RBFOX1: variants seen among roughly 807,000 people sequenced by gnomAD.
The protein encoded by RBFOX1 is RNA binding protein fox-1 homolog 1.
A neutral mutation model predicts 57.7 loss-of-function variants in RBFOX1; 8 were observed. The observed-to-expected ratio is 0.14, with a 90% confidence interval of 0.08 to 0.25. RBFOX1 has a LOEUF of 0.25. RBFOX1 is among the 10% of genes least tolerant of loss of function. The pLI is 1.00. For synonymous variants in RBFOX1, 326 were observed against 222.4 expected (o/e 1.47, Z -4.15); for missense variants, 611 against 548.5 (o/e 1.11, Z -1.14).
At chr16:7,097,329 G>A (rs954985594) in intron 4 of RBFOX1, among the ~76,000 whole-genome samples, 3 of 152,106 alleles carry the variant, frequency 2.0e-5, no homozygotes, top group African/African-American at 4.8e-5. Flanking sequence ...TGGTCAGAGA[G>A]AGAGAGAGTT....
In RBFOX1 at chr16:7,596,308, G is replaced by A. The variant is rs770156044; in HGVS notation, c.561+667G>A. ...AAATACCAAAATACTGACATTCAGA[G>A]TCTGCTATTTGTCCCACTGGGATCT... On this transcript the variant is annotated intron_variant, in intron 8 of 15. Coordinates refer to ENST00000550418, the MANE Select transcript of RBFOX1 (RefSeq NM_018723.4). Among the ~76,000 whole-genome samples, 122 of 151,568 alleles carry A rather than the reference G, an allele frequency of 8.0e-4. 1 individual carries two copies. Among genetic ancestry groups the A allele is most frequent in the Admixed American group, 2.6e-4 (4 of 15,184 alleles).
chr16:7,442,668 G>C (rs139892347), intron 4 of RBFOX1, among the ~76,000 whole-genome samples: 17 of 152,268 alleles, frequency 1.1e-4, no homozygotes, highest in Non-Finnish European at 1.6e-4. Flanking sequence ...AAAGCAAGCA[G>C]TAGAGAGTGC....
At chr16:5,587,221 A>T (rs1019734055) in intron 2 of RBFOX1, among the ~76,000 whole-genome samples, 1 of 152,236 alleles carries the variant, frequency 6.6e-6, no homozygotes, top group Non-Finnish European at 1.5e-5. Context: ...CATCTAGAAT[A>T]CATAAAATTC....
chr16:5,507,879 C>T (rs1238627420), intron 2 of RBFOX1, among the ~76,000 whole-genome samples: 1 of 152,092 alleles, frequency 6.6e-6, no homozygotes, highest in Admixed American at 6.5e-5. Context: ...GGGAGTGTGG[C>T]CCTGCTGACA....
intron 4 of RBFOX1, among the ~76,000 whole-genome samples, chr16:7,354,620 G>T (rs1390793757): frequency 6.6e-6 from 1 of 152,128 alleles, no homozygotes; most frequent in South Asian, 2.1e-4. Context: ...CTATTACCGT[G>T]CCCAATTTTT....
intron 3 of RBFOX1, among the ~76,000 whole-genome samples, chr16:6,911,202 CAAAAA>C (rs34017800): frequency 1.4e-5 from 2 of 138,754 alleles, no homozygotes; most frequent in African/African-American, 2.6e-5. Context: ...AATTGTGTCT[CAAAAA>C]AAAAAAAAAA....
intron 3 of RBFOX1, among the ~76,000 whole-genome samples, chr16:6,780,896 C>T (rs1467909371): frequency 6.6e-6 from 1 of 151,956 alleles, no homozygotes; most frequent in Non-Finnish European, 1.5e-5. Context: ...GGCAGTTATT[C>T]TCTTGTCAGG....
chr16:6,894,526 A>G (rs537843940), intron 3 of RBFOX1, among the ~76,000 whole-genome samples: 1 of 152,238 alleles, frequency 6.6e-6, no homozygotes, highest in East Asian at 1.9e-4. Context: ...CTCCATCCCA[A>G]CTAGAGGTAC....
intron 2 of RBFOX1, among the ~76,000 whole-genome samples, chr16:6,566,278 A>G (rs2097264951): frequency 6.6e-6 from 1 of 152,182 alleles, no homozygotes; most frequent in South Asian, 2.1e-4. Context: ...GTCTCACAGC[A>G]TCATGGCGAA....
At chr16:5,657,841 G>A (rs1344111349) in intron 3 of RBFOX1, among the ~76,000 whole-genome samples, 4 of 144,374 alleles carry the variant, frequency 2.8e-5, no homozygotes, top group African/African-American at 1.0e-4. Context: ...AAGCTCTTCT[G>A]TTGCTTCAGA....
Position 5,625,011 on chromosome 16 carries a change from G to A in RBFOX1, c.318+26050G>A, listed in dbSNP as rs76209915. 5.5e-3 allele frequency among the ~76,000 whole-genome samples: 832 copies of A among 152,272 alleles called. 3 individuals are homozygous for A. The highest frequency in any genetic ancestry group is 0.01 in the Middle Eastern group (3 of 294). ...ACTCTCGGGCCAGAGAGCCTGGCAC[G>A]AGAGATACCAGCAGTCACCCTCCAT... is the stretch of plus-strand genomic sequence containing the variant. On this transcript the variant is annotated intron_variant, in intron 3 of 19. Transcript: ENST00000641259.
chr16:6,410,656 G>A (rs2093430517), intron 2 of RBFOX1, among the ~76,000 whole-genome samples: 1 of 152,170 alleles, frequency 6.6e-6, no homozygotes, highest in African/African-American at 2.4e-5. Context: ...ACCAAGGCGT[G>A]CGGAAGCACA....
chr16:6,225,692 C>G (rs1385410575), intron 1 of RBFOX1, among the ~76,000 whole-genome samples: 1 of 152,140 alleles, frequency 6.6e-6, no homozygotes, highest in Admixed American at 6.6e-5. Context: ...TAATACCCTG[C>G]TCACACTCTT....
chr16:6,975,430 T>C (rs2086617832), intron 3 of RBFOX1, among the ~76,000 whole-genome samples: 1 of 151,986 alleles, frequency 6.6e-6, no homozygotes, highest in Non-Finnish European at 1.5e-5. Flanking sequence ...CATACCCAGT[T>C]AATTTCTGTA....
chr16:6,817,675 C>T (rs144486979), intron 3 of RBFOX1, among the ~76,000 whole-genome samples: 3,590 of 151,920 alleles, frequency 0.024, 56 homozygotes, highest in Middle Eastern at 0.068. Flanking sequence ...TGCACTCCAG[C>T]CTGGGCGACA....
intron 4 of RBFOX1, among the ~76,000 whole-genome samples, chr16:5,921,338 G>A (rs373247586): frequency 5.3e-5 from 8 of 152,128 alleles, no homozygotes; most frequent in Admixed American, 3.3e-4. Context: ...CTGTCCCCTT[G>A]GAGGGATAGC....
At chr16:7,092,752 G>C (rs945416142) in intron 4 of RBFOX1, among the ~76,000 whole-genome samples, 5 of 152,138 alleles carry the variant, frequency 3.3e-5, no homozygotes, top group Admixed American at 3.3e-4. Flanking sequence ...TGAAAACAGA[G>C]GATTGCTTGT....
At chr16:6,876,674 T>C (rs2061906782) in intron 3 of RBFOX1, among the ~76,000 whole-genome samples, 1 of 152,190 alleles carries the variant, frequency 6.6e-6, no homozygotes, top group African/African-American at 2.4e-5. Context: ...TTCTATTTCT[T>C]AATCTTGGCT....
intron 3 of RBFOX1, among the ~76,000 whole-genome samples, chr16:6,734,012 C>A (rs1395688991): frequency 6.6e-6 from 1 of 152,196 alleles, no homozygotes; most frequent in East Asian, 1.9e-4. Flanking sequence ...CCTGCCACAT[C>A]ATTACAGTTT....
Sources: allele counts gnomAD v4.1 joint callset (sites outside exome capture counted in the v4.1 genomes callset), GRCh38; gene constraint gnomAD v4.1.1; transcripts MANE v1.5; gene names NCBI Gene and HGNC (gene_info 2026-07-23, HGNC 2026-07-21).